The following WIPI2 variants were observed in gnomAD, a reference collection of about 807,000 sequenced individuals.
WIPI2 encodes the protein WD repeat domain, phosphoinositide interacting 2.
Under a neutral mutation model 52.3 loss-of-function variants are expected in WIPI2, and 28 were observed. That is an observed-to-expected ratio of 0.54 (90% confidence interval 0.40 to 0.73). The LOEUF is 0.73. Among genes scored for constraint, WIPI2 ranks in the 30% least tolerant of loss-of-function variants. The probability of loss-of-function intolerance (pLI) is 0.00; values close to 1 mark genes in which losing one functional copy is unlikely to be tolerated. For synonymous variants in WIPI2, 268 were observed against 245.0 expected (o/e 1.09, Z -0.88); for missense variants, 506 against 602.9 (o/e 0.84, Z 1.68).
chr7:5,211,382 G>A (rs1331098046), intron 3 of WIPI2, among the ~76,000 whole-genome samples: 1 of 152,224 alleles, frequency 6.6e-6, no homozygotes, highest in Non-Finnish European at 1.5e-5. Flanking sequence ...TGAGGCAGGA[G>A]AATTGCTTGA....
At chr7:5,219,998 G>T (rs1033557235) in intron 7 of WIPI2, among the ~76,000 whole-genome samples, 1 of 149,954 alleles carries the variant, frequency 6.7e-6, no homozygotes, top group Non-Finnish European at 1.5e-5. Flanking sequence ...ACCACGCCCG[G>T]CTAATTGTTG....
rs1290754022 is a variant in WIPI2 at position 5,197,087 on chromosome 7, G to A, written c.129-2489G>A. Among the ~76,000 whole-genome samples, 4 of 112,670 alleles carry A rather than the reference G, an allele frequency of 3.6e-5. No homozygotes were observed. The Admixed American group carries it at 4.3e-4, about 12-fold the overall frequency. 73.9% of individuals were successfully genotyped at this position (112,670 alleles called of 152,430 possible). ...GGATCGCGCTGCTGCACTCCAGCCT[G>A]CATGACAGAGCGGGACTCCGTCTCA... On this transcript the variant is annotated intron_variant, in intron 2 of 12. Coordinates refer to ENST00000288828, the MANE Select transcript of WIPI2 (RefSeq NM_015610.4).
intron 3 of WIPI2, among the ~76,000 whole-genome samples, chr7:5,206,496 T>G (rs185549932): frequency 6.6e-6 from 1 of 152,360 alleles, no homozygotes; most frequent in East Asian, 1.9e-4. Context: ...CATCCCTGTT[T>G]AAAGCATTCT....
rs921602442 is a variant in WIPI2 at position 5,227,543 on chromosome 7, C to T, written c.1013+199C>T. Among the ~76,000 whole-genome samples, 31 of 152,232 alleles carry T rather than the reference C, an allele frequency of 2.0e-4. No homozygotes were observed. The highest frequency in any genetic ancestry group is 3.4e-4 in the Non-Finnish European group (23 of 68,042). On this transcript the variant is annotated intron_variant, in intron 10 of 12. Coordinates refer to ENST00000288828, the MANE Select transcript of WIPI2 (RefSeq NM_015610.4). This position sits in a 1 kb window ranked among gnomAD's most constrained non-coding sequence, Gnocchi z 8.1. ...CTCTGTGCGGGGGTCCATTTCCAGACGGGCTCCCGTTCTGTTTTTGTGGAT... is the reference window on the plus strand; with the variant it reads ...CTCTGTGCGGGGGTCCATTTCCAGATGGGCTCCCGTTCTGTTTTTGTGGAT...
At chr7:5,216,761 A>G (rs1782835794) in intron 5 of WIPI2, 102 bp downstream of exon 5, 8 of 1,155,048 alleles carry the variant, frequency 6.9e-6, no homozygotes, top group Non-Finnish European at 9.9e-6. Context: ...TCCGCAGATG[A>G]GACAGATTTT....
chr7:5,204,146 CG>C (rs1165210733), intron 3 of WIPI2, among the ~76,000 whole-genome samples: 13 of 152,222 alleles, frequency 8.5e-5, no homozygotes, highest in Admixed American at 2.0e-4. Flanking sequence ...TCTGGGTATG[CG>C]GGTTCCATGT....
At position 5,216,494 on chromosome 7, in the gene WIPI2, A is replaced by G. The variant is rs113317805; in HGVS notation, c.382-69A>G. On this transcript the variant is annotated intron_variant, in intron 4 of 12. Coordinates refer to ENST00000288828, the MANE Select transcript of WIPI2 (RefSeq NM_015610.4). ...AGCGTCATAGTCCAGGAGTCAGTCA[A>G]CTGGAGATTGGGGCAGGTATTGCAC... The G allele has an allele frequency of 1.1e-4, 136 of 1,240,330 alleles. No homozygotes were observed. The African/African-American group carries it at 1.2e-3, about 11-fold the overall frequency. 76.8% of individuals were successfully genotyped at this position (1,240,330 alleles called of 1,614,324 possible).
intron 1 of WIPI2, 149 bp downstream of exon 1, chr7:5,190,642 G>C (rs1424047616): frequency 1.4e-6 from 1 of 732,254 alleles, no homozygotes; most frequent in Non-Finnish European, 1.9e-6. Context: ...GGCGGGCCCG[G>C]GGCGTGCAGG....
chr7:5,226,330 A>G (rs1783431455), intron 9 of WIPI2: 1 of 195,696 alleles, frequency 5.1e-6, no homozygotes, highest in Non-Finnish European at 1.1e-5. Flanking sequence ...TTCCACAAGA[A>G]TTTATTATCG....
intron 8 of WIPI2, among the ~76,000 whole-genome samples, chr7:5,225,241 A>G (rs895985047): frequency 6.6e-6 from 1 of 151,878 alleles, no homozygotes; most frequent in African/African-American, 2.4e-5. Flanking sequence ...CCCAGGTTCA[A>G]GCAATTCTCC....
chr7:5,222,235 C>T (rs1327466524), intron 7 of WIPI2, among the ~76,000 whole-genome samples: 2 of 152,198 alleles, frequency 1.3e-5, no homozygotes, highest in Non-Finnish European at 2.9e-5. Context: ...AGGCGTGAGC[C>T]ACCACGCCCG....
chr7:5,216,928 G>T, intron 5 of WIPI2, 162 bp from the exon 6 acceptor site: 1 of 785,768 alleles, frequency 1.3e-6, no homozygotes, highest in East Asian at 2.7e-5. Context: ...CCTAAGGTGG[G>T]GATTTGGGGT....
Position 5,232,269 on chromosome 7 carries a change from T to G in WIPI2, c.*1322T>G, listed in dbSNP as rs1011177674. The G allele has an allele frequency of 5.0e-6, 2 of 398,672 alleles. No individual in the cohort carries two copies. Among genetic ancestry groups the G allele is most frequent in the Non-Finnish European group, 8.8e-6 (2 of 226,084 alleles). The allele number at this position is 398,672 out of a possible 1,614,324, so 24.7% of individuals were successfully genotyped here. ...ACCGAGGAAGGCTGGGACGCCTGTT[T>G]CCAGATGGTTGTCATGGTCACGCTG... On this transcript the variant is annotated 3_prime_UTR_variant, in exon 13 of 13. Coordinates refer to ENST00000288828, the MANE Select transcript of WIPI2 (RefSeq NM_015610.4).
At chr7:5,221,964 TTC>T (rs60060719) in intron 7 of WIPI2, among the ~76,000 whole-genome samples, 53,279 of 124,632 alleles carry the variant, frequency 0.43, 9,857 homozygotes, top group East Asian at 0.53. Flanking sequence ...TTTTTTTTTT[TTC>T]CCCCCCCGAG....
intron 1 of WIPI2, 71 bp downstream of exon 1, chr7:5,190,564 C>T: frequency 2.3e-6 from 3 of 1,318,442 alleles, no homozygotes; most frequent in South Asian, 1.9e-5. Flanking sequence ...GAGGGCCTCG[C>T]TGCCAAGCTC....
At chr7:5,220,980 T>C (rs1293010825) in intron 7 of WIPI2, among the ~76,000 whole-genome samples, 2 of 149,158 alleles carry the variant, frequency 1.3e-5, no homozygotes, top group African/African-American at 5.0e-5. Context: ...TTTTTTTTTT[T>C]TGAGACGGAG....
chr7:5,197,971 A>T (rs1040284731), intron 2 of WIPI2, among the ~76,000 whole-genome samples: 4 of 152,152 alleles, frequency 2.6e-5, no homozygotes, highest in Admixed American at 6.5e-5. Context: ...CACTTTTCTG[A>T]TGAGGAAACC....
intron 11 of WIPI2, 137 bp downstream of exon 11, chr7:5,228,348 G>A (rs967389580): frequency 1.6e-5 from 13 of 815,596 alleles, no homozygotes; most frequent in Admixed American, 3.3e-5. Flanking sequence ...CCCATGCCGC[G>A]CAGGTCGGGA....
chr7:5,200,275 A>T (rs549567166), intron 3 of WIPI2, among the ~76,000 whole-genome samples: 1 of 152,328 alleles, frequency 6.6e-6, no homozygotes, highest in South Asian at 2.1e-4. Flanking sequence ...AGTGTGCAAA[A>T]ATAGTATTTG....
Sources: allele counts gnomAD v4.1 joint callset (sites outside exome capture counted in the v4.1 genomes callset), GRCh38; gene constraint gnomAD v4.1.1; non-coding constraint Gnocchi (gnomAD v3.1); transcripts MANE v1.5; gene names NCBI Gene and HGNC (gene_info 2026-07-23, HGNC 2026-07-21).